The following DCLK1 variants were observed in gnomAD, a reference collection of about 807,000 sequenced individuals.
DCLK1 encodes the protein serine/threonine-protein kinase DCLK1.
In DCLK1, 16 loss-of-function variants were observed where a neutral mutation model predicts 86.2. The observed-to-expected ratio is 0.19, with a 90% CI of 0.13 to 0.28. The LOEUF (loss-of-function observed/expected upper bound fraction) is 0.28, where lower values mean the gene tolerates loss of function less well. Ranked by LOEUF, DCLK1 falls within the 10% of genes least tolerant of loss-of-function variation. The probability of loss-of-function intolerance (pLI) is 1.00; values close to 1 mark genes in which losing one functional copy is unlikely to be tolerated. For missense variants in DCLK1, 590 were observed against 940.2 expected (o/e 0.63, Z 4.87); for synonymous variants, 369 against 370.5 (o/e 1.00, Z 0.05).
At chr13:36,086,745 T>C (rs1302091856) in intron 3 of DCLK1, among the ~76,000 whole-genome samples, 3 of 152,184 alleles carry the variant, frequency 2.0e-5, no homozygotes, top group African/African-American at 7.2e-5. Flanking sequence ...CTTGTGTTAG[T>C]TTGCTGAGAA....
chr13:35,929,299 A>T (rs28716706), intron 4 of DCLK1, among the ~76,000 whole-genome samples: 3 of 152,390 alleles, frequency 2.0e-5, no homozygotes, highest in South Asian at 2.1e-4. Flanking sequence ...AAATAAAAAA[A>T]GGTATGAAAA....
chr13:36,027,493 C>T (rs1183705414), intron 3 of DCLK1, among the ~76,000 whole-genome samples: 1 of 152,172 alleles, frequency 6.6e-6, no homozygotes, highest in Non-Finnish European at 1.5e-5. Flanking sequence ...ATTGCTAAGA[C>T]ATGATCTGGG....
At chr13:35,958,520 A>C (rs1878274275) in intron 3 of DCLK1, among the ~76,000 whole-genome samples, 1 of 149,976 alleles carries the variant, frequency 6.7e-6, no homozygotes, top group East Asian at 2.0e-4. Context: ...TGTACCACCA[A>C]CAGCAGTATA....
At chr13:36,121,831 C>T (rs1928020) in intron 2 of DCLK1, among the ~76,000 whole-genome samples, 35,007 of 151,964 alleles carry the variant, frequency 0.23, 4,260 homozygotes, top group East Asian at 0.49. Context: ...GTAGGCTGGG[C>T]ACAGTGCCTC....
chr13:36,095,612 A>C (rs1884986151), intron 3 of DCLK1, among the ~76,000 whole-genome samples: 1 of 152,194 alleles, frequency 6.6e-6, no homozygotes, highest in South Asian at 2.1e-4. Context: ...ATGTCACCGG[A>C]TAAGTAAATA....
intron 3 of DCLK1, 44 bp from the exon 4 acceptor site, chr13:35,947,501 C>A: frequency 6.7e-7 from 1 of 1,503,092 alleles, no homozygotes. Flanking sequence ...GGTAGAACAG[C>A]AATTACAACA....
intron 16 of DCLK1, chr13:35,787,950 T>C: frequency 2.2e-6 from 1 of 458,504 alleles, no homozygotes; most frequent in South Asian, 2.2e-5. Flanking sequence ...GCACTAAATA[T>C]ACTGTCCTTT....
At chr13:36,077,380 C>G (rs943335903) in intron 3 of DCLK1, among the ~76,000 whole-genome samples, 1 of 152,116 alleles carries the variant, frequency 6.6e-6, no homozygotes, top group Non-Finnish European at 1.5e-5. Context: ...TACTTGCCCC[C>G]CTTCTAGATG....
intron 3 of DCLK1, among the ~76,000 whole-genome samples, chr13:36,087,973 C>T (rs1304409271): frequency 6.6e-6 from 1 of 152,166 alleles, no homozygotes; most frequent in East Asian, 1.9e-4. Context: ...GCATAGGATG[C>T]TCTGGCTGGG....
At chr13:35,915,208 T>C (rs1461344766) in intron 4 of DCLK1, among the ~76,000 whole-genome samples, 2 of 152,206 alleles carry the variant, frequency 1.3e-5, no homozygotes, top group East Asian at 3.8e-4. Flanking sequence ...AATAAAAAAT[T>C]ATGTTTTTTC....
chr13:36,125,694 G>T (rs1037632731), intron 2 of DCLK1, 68 bp downstream of exon 2: 3 of 1,547,742 alleles, frequency 1.9e-6, no homozygotes, highest in Admixed American at 1.8e-5. Context: ...AATGCGAATC[G>T]GCTACAACAC....
intron 5 of DCLK1, among the ~76,000 whole-genome samples, chr13:35,865,072 T>C (rs1871693686): frequency 6.6e-6 from 1 of 152,170 alleles, no homozygotes; most frequent in African/African-American, 2.4e-5. Flanking sequence ...GAAAACAATA[T>C]AAAGCCAACT....
intron 3 of DCLK1, among the ~76,000 whole-genome samples, chr13:36,065,899 T>C (rs139779115): frequency 6.6e-6 from 1 of 152,320 alleles, no homozygotes; most frequent in African/African-American, 2.4e-5. Context: ...TCTATGCACA[T>C]TCTGAGTCAT....
chr13:36,051,026 G>C (rs184834282), intron 3 of DCLK1, among the ~76,000 whole-genome samples: 1 of 152,082 alleles, frequency 6.6e-6, no homozygotes, highest in South Asian at 2.1e-4. Context: ...ATGCTACAGA[G>C]GCTAAAACAC....
chr13:35,829,431 C>A lies in DCLK1; in HGVS notation c.1230-1124G>T, dbSNP rs559904959. Among the ~76,000 whole-genome samples the A allele has an allele frequency of 7.9e-5, 12 of 152,184 alleles. No individual in the cohort carries two copies. The South Asian group carries it at 2.5e-3, about 32-fold the overall frequency. On this transcript the variant is annotated intron_variant, in intron 8 of 16. Coordinates refer to ENST00000360631, the MANE Select transcript of DCLK1 (RefSeq NM_001330071.2). ...AAGCCAATTTTGTGGATCCAATGGA[C>A]ACAAATAGTAATGAGGTTAATTAAG...
chr13:36,081,860 C>T (rs1884431909), intron 3 of DCLK1, among the ~76,000 whole-genome samples: 1 of 152,198 alleles, frequency 6.6e-6, no homozygotes, highest in Non-Finnish European at 1.5e-5. Context: ...TTTCCTTTAA[C>T]ATTTCAATTG....
At chr13:35,987,858 C>T (rs1173619366) in intron 3 of DCLK1, among the ~76,000 whole-genome samples, 2 of 152,138 alleles carry the variant, frequency 1.3e-5, no homozygotes, top group African/African-American at 4.8e-5. Flanking sequence ...GCTTTCTTAA[C>T]ATATTATTGA....
At chr13:36,048,635 C>G (rs763534245) in intron 3 of DCLK1, among the ~76,000 whole-genome samples, 22 of 152,128 alleles carry the variant, frequency 1.4e-4, no homozygotes, top group Non-Finnish European at 2.8e-4. Flanking sequence ...GCTGTACATT[C>G]AATTCAGTGA....
At chr13:36,013,533 G>T (rs1881384407) in intron 3 of DCLK1, among the ~76,000 whole-genome samples, 1 of 152,204 alleles carries the variant, frequency 6.6e-6, no homozygotes, top group African/African-American at 2.4e-5. Context: ...TCCCAGTTAG[G>T]CTGCTCGGGG....
Sources: gnomAD v4.1 joint callset for allele counts (sites outside exome capture counted in the v4.1 genomes callset) on GRCh38, gnomAD v4.1.1 for gene constraint, MANE v1.5 for transcripts, NCBI Gene and HGNC (gene_info 2026-07-23, HGNC 2026-07-21) for gene names.